Variants in TBC1D16 observed in about 807,000 individuals in gnomAD.
TBC1D16 encodes the protein TBC1 domain family member 16.
Under a neutral mutation model 74.7 loss-of-function variants are expected in TBC1D16, and 58 were observed. That is an observed-to-expected ratio of 0.78 (90% CI 0.63 to 0.97). The LOEUF is 0.97. Among genes scored for constraint, TBC1D16 ranks in the 50% least tolerant of loss-of-function variants. TBC1D16 has a pLI of 0.00. For synonymous variants in TBC1D16, 493 were observed against 474.7 expected, an observed-to-expected ratio of 1.04 and a Z score of -0.50; for missense variants, 1,014 against 1,079.5, an observed-to-expected ratio of 0.94 and a Z score of 0.85.
At chr17:79,978,952 T>C (rs34768269) in intron 3 of TBC1D16, among the ~76,000 whole-genome samples, 24,810 of 152,254 alleles carry the variant, frequency 0.16, 2,148 homozygotes, top group Non-Finnish European at 0.19. Flanking sequence ...TCATTCCCTC[T>C]CGACTTCGTC....
intron 1 of TBC1D16, among the ~76,000 whole-genome samples, chr17:80,017,880 T>C (rs1435402820): frequency 2.6e-5 from 4 of 152,188 alleles, no homozygotes; most frequent in African/African-American, 9.6e-5. Context: ...TGGCCACTCT[T>C]GGCCTAAACA....
intron 1 of TBC1D16, among the ~76,000 whole-genome samples, chr17:80,014,800 GA>G (rs960875600): frequency 6.7e-5 from 10 of 148,284 alleles, no homozygotes; most frequent in East Asian, 3.9e-4. Context: ...AAGAAAAAAA[GA>G]AAAAAAAAAT....
chr17:80,013,552 G>C lies in TBC1D16; in HGVS notation c.-5C>G. 1.3e-6 allele frequency: 2 copies of C among 1,494,604 alleles called. No individual in the cohort carries two copies. The highest frequency in any genetic ancestry group is 1.8e-6 in the Non-Finnish European group (2 of 1,120,122). The allele number at this position is 1,494,604 out of a possible 1,614,324, so 92.6% of individuals were successfully genotyped here. ...AAGGAGGCGGCCCAGAGACATTGCCGGGCAAGTGTTTCCATCCTCCGCATG... is the reference window on the plus strand; with the variant it reads ...AAGGAGGCGGCCCAGAGACATTGCCCGGCAAGTGTTTCCATCCTCCGCATG... On this transcript the variant is annotated 5_prime_UTR_variant, in exon 2 of 12. Transcript: ENST00000310924.
chr17:80,004,568 C>T (rs1017075057), intron 3 of TBC1D16, among the ~76,000 whole-genome samples: 1 of 152,232 alleles, frequency 6.6e-6, no homozygotes, highest in African/African-American at 2.4e-5. Flanking sequence ...CTTAGAGGGA[C>T]CTTAGTCGGT....
chr17:79,968,995 T>C (rs923371000), intron 3 of TBC1D16, among the ~76,000 whole-genome samples: 6 of 152,096 alleles, frequency 3.9e-5, no homozygotes, highest in Non-Finnish European at 8.8e-5. Context: ...TGACTCAATT[T>C]AAAAATGGGC....
At position 79,950,539 on chromosome 17, in the gene TBC1D16, G is replaced by T. The variant is rs749374568; in HGVS notation, c.1129C>A (p.Arg377Ser). Reference protein sequence around the residue: ...PDKTCMQFSIRRPKLPSSETH... With the variant: ...PDKTCMQFSISRPKLPSSETH... The stretch of plus-strand genomic sequence containing the variant: ...TCGGAGGACGGCAGCTTGGGGCGGC[G>T]GATGGAGAACTGCATGCATGTCTTA... The change falls in exon 6 of 12, where the codon CGC (arginine) becomes AGC (serine). Residue 377 changes from arginine to serine, a missense_variant. Transcript: ENST00000310924. The surrounding 1 kb of genome is among the most constrained non-coding windows in gnomAD (Gnocchi z 4.6). The T allele has an allele frequency of 6.2e-7, 1 of 1,613,198 alleles. No individual in the cohort carries two copies. The highest frequency in any genetic ancestry group is 2.2e-5 in the East Asian group (1 of 44,858).
chr17:80,028,431 A>T (rs1158558137), intron 1 of TBC1D16, among the ~76,000 whole-genome samples: 1 of 151,900 alleles, frequency 6.6e-6, no homozygotes, highest in Non-Finnish European at 1.5e-5. Context: ...CGGGAGGCTG[A>T]GGCAGGAGAA....
Position 79,947,716 on chromosome 17 carries a change from A to C in TBC1D16, c.1657T>G (p.Cys553Gly). ...GTGTTCTGCATCAAACCCACAAAGC[A>C]CCAGAAGGTGTCTGACTCATCCAGG... The part of the protein sequence containing the change: ...EVLDESDTFW[C>G]FVGLMQNTIF... The change falls in exon 9 of 12, where the codon TGC becomes GGC. Residue 553 changes from cysteine to glycine, a missense_variant. Coordinates refer to ENST00000310924, the MANE Select transcript of TBC1D16 (RefSeq NM_019020.4). The C allele has an allele frequency of 1.2e-6, 2 of 1,613,974 alleles. No homozygotes were observed. The highest frequency in any genetic ancestry group is 1.7e-6 in the Non-Finnish European group (2 of 1,180,000).
At chr17:79,973,058 G>A (rs1202686717) in intron 3 of TBC1D16, among the ~76,000 whole-genome samples, 1 of 152,166 alleles carries the variant, frequency 6.6e-6, no homozygotes, top group Non-Finnish European at 1.5e-5. Context: ...TTCCAGCCTG[G>A]GCAACAGAGC....
rs2031322590 is a variant in TBC1D16, at chr17:79,932,605, T to C, written c.*8254A>G. ...CCATGTGCCAATTCACATTGACTTG[T>C]AGCCACTAGGACCCTGTGTCTTTTT... On this transcript the variant is annotated 3_prime_UTR_variant, in exon 12 of 12. Coordinates refer to ENST00000310924, the MANE Select transcript of TBC1D16 (RefSeq NM_019020.4). The C allele has an allele frequency of 6.6e-6, 1 of 152,248 alleles. No individual in the cohort carries two copies. The highest frequency in any genetic ancestry group is 1.5e-5 in the Non-Finnish European group (1 of 68,054). 9.4% of individuals were successfully genotyped at this position (152,248 alleles called of 1,614,324 possible). A position where few individuals can be genotyped will look rare whatever the true frequency, so the allele number is the denominator to read the frequency against.
At chr17:79,984,091 GC>G (rs1398241854) in intron 3 of TBC1D16, among the ~76,000 whole-genome samples, 2 of 151,856 alleles carry the variant, frequency 1.3e-5, no homozygotes, top group Admixed American at 1.3e-4. Flanking sequence ...CTCATTTGTT[GC>G]CCAGGCTGAC....
At position 79,980,912 on chromosome 17, in the gene TBC1D16, T is replaced by C. The variant is rs1216545087; in HGVS notation, c.780-28094A>G. Among the ~76,000 whole-genome samples the C allele has an allele frequency of 6.6e-6, 1 of 152,098 alleles. No homozygotes were observed. Among genetic ancestry groups the C allele is most frequent in the Non-Finnish European group, 1.5e-5 (1 of 68,002 alleles). Reference sequence around the variant, plus strand: ...AGCTGACCGGGAGCTGCTGGGACCATGGCTAGGGGTTGTGACGTGACCTGG... The same window carrying C: ...AGCTGACCGGGAGCTGCTGGGACCACGGCTAGGGGTTGTGACGTGACCTGG... On this transcript the variant is annotated intron_variant, in intron 3 of 11. Transcript: ENST00000310924. This position sits in a 1 kb window ranked among gnomAD's most constrained non-coding sequence, Gnocchi z 7.0.
Position 79,940,608 on chromosome 17 carries a change from T to G in TBC1D16, c.*251A>C, listed in dbSNP as rs1219307588. On this transcript the variant is annotated 3_prime_UTR_variant, in exon 12 of 12. Transcript: ENST00000310924. The surrounding 1 kb of genome is among the most constrained non-coding windows in gnomAD (Gnocchi z 5.4). ...GAGCCCAGCCAGCCTGCGTCTCAGG[T>G]GCGGTGGCTGCGCGTTCCACTGCAG... The G allele has an allele frequency of 2.7e-5, 10 of 375,140 alleles. No individual in the cohort carries two copies. Among genetic ancestry groups the G allele is most frequent in the African/African-American group, 4.1e-5 (2 of 48,340 alleles). The allele number at this position is 375,140 out of a possible 1,614,324, so 23.2% of individuals were successfully genotyped here.
At chr17:79,955,581 A>G (rs1210004442) in intron 3 of TBC1D16, among the ~76,000 whole-genome samples, 1 of 152,260 alleles carries the variant, frequency 6.6e-6, no homozygotes, top group African/African-American at 2.4e-5. Context: ...TGCTGCAAAT[A>G]ATTTAGCTTG....
intron 3 of TBC1D16, among the ~76,000 whole-genome samples, chr17:79,978,523 T>C (rs1486914521): frequency 1.3e-5 from 2 of 152,236 alleles, no homozygotes; most frequent in African/African-American, 4.8e-5. Flanking sequence ...TACCAGGCCT[T>C]TGAGTGCTGT....
intron 3 of TBC1D16, among the ~76,000 whole-genome samples, chr17:79,957,661 A>C (rs1322926837): frequency 3.3e-5 from 5 of 152,120 alleles, no homozygotes; most frequent in African/African-American, 9.7e-5. Context: ...CATAGGATGT[A>C]CAAGACCGAG....
At chr17:79,951,700 G>A (rs1188926785) in intron 4 of TBC1D16, 103 bp from the exon 5 acceptor site, 14 of 1,385,394 alleles carry the variant, frequency 1.0e-5, no homozygotes, top group Non-Finnish European at 1.4e-5. Flanking sequence ...AACCTCAGAA[G>A]CAGGAAACAG....
chr17:79,973,276 T>A (rs1212567785), intron 3 of TBC1D16, among the ~76,000 whole-genome samples: 1 of 151,552 alleles, frequency 6.6e-6, no homozygotes, highest in Admixed American at 6.6e-5. Flanking sequence ...ACAACAATAA[T>A]AATAAAATAG....
intron 3 of TBC1D16, among the ~76,000 whole-genome samples, chr17:79,960,801 A>AAAAAAAAAAAAAAAAAAAAAAAAAAAAC (rs2033570654): frequency 6.7e-6 from 1 of 149,050 alleles, no homozygotes; most frequent in African/African-American, 2.5e-5. Context: ...AAAAAAAAAA[A>AAAAAAAAAAAAAAAAAAAAAAAAAAAAC]AAAAAAAACG....
Sources: allele counts gnomAD v4.1 joint callset (sites outside exome capture counted in the v4.1 genomes callset), GRCh38; gene constraint gnomAD v4.1.1; non-coding constraint Gnocchi (gnomAD v3.1); transcripts MANE v1.5; gene names NCBI Gene and HGNC (gene_info 2026-07-23, HGNC 2026-07-21).